PTK2: variants seen among roughly 807,000 people sequenced by gnomAD.
The protein encoded by PTK2 is focal adhesion kinase 1.
PTK2 carries 45 observed loss-of-function variants against 150.1 expected under a neutral mutation model. That is an observed-to-expected ratio of 0.30 (90% confidence interval 0.24 to 0.38). PTK2 has a LOEUF of 0.38. Among genes scored for constraint, PTK2 ranks in the 10% least tolerant of loss-of-function variants. The probability of loss-of-function intolerance (pLI) is 1.00; values close to 1 mark genes in which losing one functional copy is unlikely to be tolerated. For missense variants in PTK2, 919 were observed against 1,307.3 expected (o/e 0.70, Z 4.58); for synonymous variants, 432 against 449.2 (o/e 0.96, Z 0.48).
At chr8:140,935,932 C>T (rs2100173472) in intron 1 of PTK2, among the ~76,000 whole-genome samples, 1 of 152,076 alleles carries the variant, frequency 6.6e-6, no homozygotes, top group African/African-American at 2.4e-5. Context: ...CAGGTGTAAG[C>T]CACCACACCC....
intron 16 of PTK2, among the ~76,000 whole-genome samples, chr8:140,755,195 T>C (rs927941484): frequency 1.3e-5 from 2 of 152,198 alleles, no homozygotes; most frequent in Non-Finnish European, 2.9e-5. Context: ...AATGAGAGAA[T>C]GTGCCAGTGA....
At chr8:140,679,182 G>A (rs1000137807) in intron 27 of PTK2, among the ~76,000 whole-genome samples, 1 of 151,394 alleles carries the variant, frequency 6.6e-6, no homozygotes, top group Admixed American at 6.6e-5. Context: ...GCACCACCAC[G>A]CCTGGGTAAT....
chr8:140,812,032 G>T (rs925724620), intron 10 of PTK2, among the ~76,000 whole-genome samples: 1 of 152,162 alleles, frequency 6.6e-6, no homozygotes, highest in Non-Finnish European at 1.5e-5. Flanking sequence ...CCTAGCTAGA[G>T]AAGTCAACAT....
At chr8:140,671,037 G>A (rs2095295985) in intron 29 of PTK2, among the ~76,000 whole-genome samples, 1 of 152,156 alleles carries the variant, frequency 6.6e-6, no homozygotes, top group South Asian at 2.1e-4. Context: ...TCTGGAGCTT[G>A]ACAACTTGGA....
chr8:140,954,100 G>C (rs368993535), intron 1 of PTK2, among the ~76,000 whole-genome samples: 1 of 151,946 alleles, frequency 6.6e-6, no homozygotes, highest in East Asian at 1.9e-4. Flanking sequence ...TCAGCCTCCC[G>C]AGTAGCTGGG....
chr8:140,882,313 A>G (rs28743030), intron 3 of PTK2, among the ~76,000 whole-genome samples: 3,356 of 152,314 alleles, frequency 0.022, 129 homozygotes, highest in African/African-American at 0.078. Context: ...AACCAACCCT[A>G]CAGTGCTGCC....
intron 27 of PTK2, among the ~76,000 whole-genome samples, chr8:140,675,978 C>T (rs1448799024): frequency 6.6e-6 from 1 of 152,180 alleles, no homozygotes; most frequent in East Asian, 1.9e-4. Flanking sequence ...CATGGCACTA[C>T]TCCCAATATC....
At chr8:140,663,653 T>G (rs1442082221) in intron 31 of PTK2, among the ~76,000 whole-genome samples, 2 of 152,168 alleles carry the variant, frequency 1.3e-5, no homozygotes, top group African/African-American at 4.8e-5. Context: ...TGGGCTACAG[T>G]ATTTTGGGTC....
intron 29 of PTK2, among the ~76,000 whole-genome samples, chr8:140,671,055 T>C (rs2095299281): frequency 6.6e-6 from 1 of 152,202 alleles, no homozygotes; most frequent in African/African-American, 2.4e-5. Context: ...GGAAGCTCCT[T>C]GGCAGGCAGT....
At chr8:140,818,352 T>G in exon 10 of PTK2, 1 of 1,613,574 alleles carries the variant, frequency 6.2e-7, no homozygotes, top group Non-Finnish European at 8.5e-7. Flanking sequence ...TAATCCAGCT[T>G]GACTTTTGAA....
chr8:140,772,106 C>T (rs958738502), intron 14 of PTK2, among the ~76,000 whole-genome samples: 1 of 152,090 alleles, frequency 6.6e-6, no homozygotes. Context: ...GTAACATTTA[C>T]TGACAATTTC....
At chr8:140,798,934 G>A (rs2100093322) in intron 12 of PTK2, among the ~76,000 whole-genome samples, 1 of 152,176 alleles carries the variant, frequency 6.6e-6, no homozygotes. Flanking sequence ...GGCTTTAACT[G>A]AGAGTAACTG....
At position 140,668,231 on chromosome 8, in the gene PTK2, G is replaced by C. The variant is rs757301725; in HGVS notation, c.2865+38C>G. 7.5e-5 allele frequency: 121 copies of C among 1,611,770 alleles called. No individual in the cohort carries two copies. In the East Asian group the frequency reaches 2.5e-3, roughly 34 times the overall value. ...TGGCACCACAGCTTACAGGAAACAA[G>C]AACATTTTTGCCAGTACACAAAATG... On this transcript the variant is annotated intron_variant, in intron 30 of 31. Transcript: ENST00000522684.
chr8:140,704,335 G>GA (rs957800591), intron 24 of PTK2, among the ~76,000 whole-genome samples: 2 of 152,116 alleles, frequency 1.3e-5, no homozygotes, highest in Non-Finnish European at 2.9e-5. Context: ...TTAGTTCAAT[G>GA]AAAAAAATCA....
At chr8:140,994,567 G>C (rs189281128) in intron 1 of PTK2, among the ~76,000 whole-genome samples, 3 of 152,134 alleles carry the variant, frequency 2.0e-5, no homozygotes, top group East Asian at 3.9e-4. Flanking sequence ...GGCTGATCTT[G>C]AACTCCTGGC....
intron 22 of PTK2, chr8:140,732,449 A>T: frequency 6.8e-6 from 3 of 439,936 alleles, no homozygotes. Context: ...ACCTCAGTGG[A>T]GCATTCCTTA....
intron 1 of PTK2, among the ~76,000 whole-genome samples, chr8:141,000,339 T>G (rs1334243873): frequency 6.6e-6 from 1 of 152,120 alleles, no homozygotes; most frequent in Non-Finnish European, 1.5e-5. Flanking sequence ...ACTTGAGGGT[T>G]TGCGTTCGGG....
At position 140,905,890 on chromosome 8, in the gene PTK2, C is replaced by T. The variant is rs2100160681; in HGVS notation, c.-32-15121G>A. 4.6e-5 allele frequency among the ~76,000 whole-genome samples: 7 copies of T among 152,196 alleles called. No individual in the cohort carries two copies. In the South Asian group the frequency reaches 1.5e-3, roughly 32 times the overall value. On this transcript the variant is annotated intron_variant, in intron 2 of 31. Transcript: ENST00000522684. ...TCAAAACTGCACAACTACATGGAAA[C>T]TGAACAACTTGCTCCTCCTGAATGA...
chr8:140,726,528 C>T (rs1429219454), intron 22 of PTK2, among the ~76,000 whole-genome samples: 1 of 152,054 alleles, frequency 6.6e-6, no homozygotes. Flanking sequence ...ACACACACTG[C>T]ATACAAAGTA....
Sources: allele counts gnomAD v4.1 joint callset (sites outside exome capture counted in the v4.1 genomes callset), GRCh38; gene constraint gnomAD v4.1.1; transcripts MANE v1.5; gene names NCBI Gene and HGNC (gene_info 2026-07-23, HGNC 2026-07-21).